Variants in TEAD1 observed in about 807,000 individuals in gnomAD.
The protein encoded by TEAD1 is transcriptional enhancer factor TEF-1.
Under a neutral mutation model 54.9 loss-of-function variants are expected in TEAD1, and 9 were observed. The ratio of observed to expected loss-of-function variants is 0.16; its 90% CI spans 0.10 to 0.29. The LOEUF (loss-of-function observed/expected upper bound fraction) is 0.29, where lower values mean the gene tolerates loss of function less well. TEAD1 is among the 10% of genes least tolerant of loss of function. TEAD1 has a pLI of 1.00. For missense variants in TEAD1, 387 were observed against 535.9 expected, an observed-to-expected ratio of 0.72 and a Z score of 2.74; for synonymous variants, 200 against 187.8, an observed-to-expected ratio of 1.07 and a Z score of -0.53.
chr11:12,713,495 A>AT (rs1943986365), intron 2 of TEAD1, among the ~76,000 whole-genome samples: 1 of 152,218 alleles, frequency 6.6e-6, no homozygotes, highest in Non-Finnish European at 1.5e-5. Context: ...GCTCTTAGTC[A>AT]TTAGATATTA....
At chr11:12,846,220 C>G (rs147493107) in intron 3 of TEAD1, among the ~76,000 whole-genome samples, 10 of 152,308 alleles carry the variant, frequency 6.6e-5, no homozygotes, top group Admixed American at 5.9e-4. Flanking sequence ...AAAATGTTGC[C>G]TGCATGGAGA....
intron 5 of TEAD1, among the ~76,000 whole-genome samples, chr11:12,869,117 C>T (rs967925068): frequency 6.6e-5 from 10 of 152,018 alleles, no homozygotes; most frequent in African/African-American, 2.2e-4. Context: ...GAAGGGCCCT[C>T]GATTATCCCA....
At chr11:12,895,235 A>C (rs1948290180) in intron 9 of TEAD1, among the ~76,000 whole-genome samples, 1 of 152,030 alleles carries the variant, frequency 6.6e-6, no homozygotes. Context: ...TTTGCAAGTG[A>C]ATGGTTGACT....
rs565585388 is a variant in TEAD1 at position 12,930,209 on chromosome 11, A to G, written c.1050A>G (p.Val350=). ...CAAGGTTTGAGAATGGCCGATTTGTATACCGAATAAACCGCTCCCCAATGT... is the reference window on the plus strand; with the variant it reads ...CAAGGTTTGAGAATGGCCGATTTGTGTACCGAATAAACCGCTCCCCAATGT... Residue 350 remains valine (V), a synonymous_variant, in exon 12 of 13, where the codon GTA becomes GTG. Transcript: ENST00000527636. 3.1e-6 allele frequency: 5 copies of G among 1,614,242 alleles called. No homozygotes were observed. Among genetic ancestry groups the G allele is most frequent in the Admixed American group, 3.3e-5 (2 of 60,030 alleles).
In TEAD1 at chr11:12,902,024, A is replaced by G. The variant is rs1948434074; in HGVS notation, c.784A>G (p.Ile262Val). 7 of 1,614,256 alleles carry G rather than the reference A, an allele frequency of 4.3e-6. No homozygotes were observed. Among genetic ancestry groups the G allele is most frequent in the Non-Finnish European group, 5.9e-6 (7 of 1,180,048 alleles). ...GCTTGAATCAGTGGACATTCGTCAG[A>G]TTTATGACAAATTTCCTGAAAAGAA... Residue 262 changes from isoleucine to valine, a missense_variant, in exon 10 of 13, where the codon ATT becomes GTT. By Grantham distance (29) the Ile-to-Val change is conservative. Transcript: ENST00000527636.
intron 10 of TEAD1, among the ~76,000 whole-genome samples, chr11:12,907,363 A>G (rs561090983): frequency 1.3e-5 from 2 of 152,326 alleles, no homozygotes; most frequent in East Asian, 1.9e-4. Context: ...AGTAGGGAGC[A>G]GTCGGTGTTT....
chr11:12,765,800 C>T (rs1176520767), intron 3 of TEAD1, among the ~76,000 whole-genome samples: 1 of 152,138 alleles, frequency 6.6e-6, no homozygotes, highest in Non-Finnish European at 1.5e-5. Context: ...GAAGCCTCTT[C>T]GTATCTGGTG....
intron 10 of TEAD1, among the ~76,000 whole-genome samples, chr11:12,916,020 T>C (rs990461293): frequency 6.6e-6 from 1 of 152,186 alleles, no homozygotes; most frequent in Non-Finnish European, 1.5e-5. Flanking sequence ...ATTTTTGTTT[T>C]CTGTTGCTGT....
At chr11:12,800,672 A>T (rs1422521598) in intron 3 of TEAD1, among the ~76,000 whole-genome samples, 1 of 152,212 alleles carries the variant, frequency 6.6e-6, no homozygotes, top group East Asian at 1.9e-4. Context: ...ATGGTGACAA[A>T]AAAATGAAAA....
intron 12 of TEAD1, 21 bp from the exon 13 acceptor site, chr11:12,937,088 A>G: frequency 6.7e-7 from 1 of 1,498,532 alleles, no homozygotes; most frequent in Non-Finnish European, 9.3e-7. Context: ...GGTATTATAT[A>G]CTTTTTTTTT....
At position 12,879,701 on chromosome 11, in the gene TEAD1, C is replaced by T; in HGVS notation, c.331-7C>T. 1 of 1,614,194 alleles carries T rather than the reference C, an allele frequency of 6.2e-7. No homozygotes were observed. Among genetic ancestry groups the T allele is most frequent in the Non-Finnish European group, 8.5e-7 (1 of 1,180,048 alleles). On this transcript the variant is annotated splice_polypyrimidine_tract_variant and splice_region_variant and intron_variant, in intron 5 of 12. Transcript: ENST00000527636. ...TATTAAGTTGGTGTGTCACTGTCACCTTCAAGGATCAGACTGCAAAGGATA... is the reference window on the plus strand; with the variant it reads ...TATTAAGTTGGTGTGTCACTGTCACTTTCAAGGATCAGACTGCAAAGGATA...
At chr11:12,707,263 C>T (rs896394249) in intron 2 of TEAD1, among the ~76,000 whole-genome samples, 1 of 151,992 alleles carries the variant, frequency 6.6e-6, no homozygotes, top group Admixed American at 6.6e-5. Flanking sequence ...GACCCGAGAC[C>T]TGGGATCACC....
chr11:12,689,011 C>T (rs1590053731), intron 2 of TEAD1, among the ~76,000 whole-genome samples: 1 of 149,444 alleles, frequency 6.7e-6, no homozygotes, highest in Non-Finnish European at 1.5e-5. Flanking sequence ...TGTTGTTTTT[C>T]TGTTTTTTTT....
rs1477152235 is a variant in TEAD1, at chr11:12,686,887, C to T, written c.-55+11326C>T. 3.3e-5 allele frequency among the ~76,000 whole-genome samples: 5 copies of T among 152,180 alleles called. No individual in the cohort carries two copies. In the South Asian group the frequency reaches 6.2e-4, roughly 19 times the overall value. On this transcript the variant is annotated intron_variant, in intron 2 of 12. Transcript: ENST00000527636. ...TGTGATGTGCCTTAGGCAGTGACTT[C>T]GGGCAGGAGTGGAGGTGTTCAGTCC...
intron 5 of TEAD1, among the ~76,000 whole-genome samples, chr11:12,866,725 TGTA>T (rs912536855): frequency 4.6e-5 from 7 of 152,174 alleles, no homozygotes; most frequent in African/African-American, 1.7e-4. Flanking sequence ...TCCGTCTTCT[TGTA>T]GTTTCTTCCG....
intron 5 of TEAD1, among the ~76,000 whole-genome samples, chr11:12,874,185 G>A (rs541423688): frequency 2.0e-5 from 3 of 152,268 alleles, no homozygotes; most frequent in Admixed American, 6.5e-5. Context: ...TATTGTATAT[G>A]CAAGCATGTA....
intron 2 of TEAD1, among the ~76,000 whole-genome samples, chr11:12,710,688 G>A (rs996211255): frequency 4.6e-5 from 7 of 152,208 alleles, no homozygotes; most frequent in African/African-American, 1.4e-4. Flanking sequence ...CAGTGAACAA[G>A]CAGGTAAGGT....
At chr11:12,884,241 C>G (rs2134101557) in intron 9 of TEAD1, among the ~76,000 whole-genome samples, 1 of 152,242 alleles carries the variant, frequency 6.6e-6, no homozygotes, top group South Asian at 2.1e-4. Flanking sequence ...TTTCTTCACA[C>G]CCACTCCTTG....
chr11:12,680,959 C>T (rs1159849173), intron 2 of TEAD1, among the ~76,000 whole-genome samples: 1 of 152,044 alleles, frequency 6.6e-6, no homozygotes, highest in Non-Finnish European at 1.5e-5. Context: ...TTCAGATCAC[C>T]CATTACTGTG....
Sources: allele counts gnomAD v4.1 joint callset (sites outside exome capture counted in the v4.1 genomes callset), GRCh38; gene constraint gnomAD v4.1.1; transcripts MANE v1.5; gene names NCBI Gene and HGNC (gene_info 2026-07-23, HGNC 2026-07-21).